The following FAT4 variants were observed in gnomAD, a reference collection of about 807,000 sequenced individuals.
FAT4 encodes protocadherin Fat 4.
FAT4 carries 84 observed loss-of-function variants against 303.9 expected under a neutral mutation model. The ratio of observed to expected loss-of-function variants is 0.28; its 90% CI spans 0.23 to 0.33. FAT4 has a LOEUF of 0.33. FAT4 is among the 10% of genes least tolerant of loss of function. The probability of loss-of-function intolerance (pLI) is 1.00; values close to 1 mark genes in which losing one functional copy is unlikely to be tolerated. For missense variants in FAT4, 6,005 were observed against 6,146.8 expected (o/e 0.98, Z 0.77); for synonymous variants, 2,307 against 2,298.8 (o/e 1.00, Z -0.10).
At chr4:125,388,376 A>G (rs1733844717) in intron 2 of FAT4, among the ~76,000 whole-genome samples, 1 of 152,142 alleles carries the variant, frequency 6.6e-6, no homozygotes. Flanking sequence ...TCTTTATTTC[A>G]TAGTATCCAG....
chr4:125,473,950 A>G (rs1032603260), intron 12 of FAT4, among the ~76,000 whole-genome samples: 13 of 152,222 alleles, frequency 8.5e-5, no homozygotes, highest in Non-Finnish European at 1.5e-4. Flanking sequence ...GTCATTTTCT[A>G]CATTTCAAAA....
At chr4:125,407,321 A>T (rs1205638509) in intron 4 of FAT4, among the ~76,000 whole-genome samples, 180 bp downstream of exon 4, 1 of 152,174 alleles carries the variant, frequency 6.6e-6, no homozygotes, top group Non-Finnish European at 1.5e-5. Flanking sequence ...ATTCTCAAGC[A>T]AATGGCTAAA....
chr4:125,331,455 T>C (rs547402311), intron 2 of FAT4, among the ~76,000 whole-genome samples: 2 of 152,324 alleles, frequency 1.3e-5, no homozygotes, highest in South Asian at 4.1e-4. Flanking sequence ...TGGTTTTCCT[T>C]CATAAAAAGA....
intron 2 of FAT4, among the ~76,000 whole-genome samples, chr4:125,368,910 G>A (rs1732995044): frequency 6.6e-6 from 1 of 152,070 alleles, no homozygotes; most frequent in South Asian, 2.1e-4. Flanking sequence ...GTGCTTTGTT[G>A]CTGTACACCC....
chr4:125,378,752 A>G (rs1578576372), intron 2 of FAT4, among the ~76,000 whole-genome samples: 1 of 152,190 alleles, frequency 6.6e-6, no homozygotes, highest in South Asian at 2.1e-4. Context: ...GATGAATTCC[A>G]TACTCAATAT....
intron 8 of FAT4, among the ~76,000 whole-genome samples, chr4:125,444,953 A>G (rs1247219751): frequency 6.6e-6 from 1 of 152,130 alleles, no homozygotes; most frequent in African/African-American, 2.4e-5. Context: ...GAATTCATGT[A>G]TAAAACTTGA....
chr4:125,342,592 C>T (rs913181015), intron 2 of FAT4, among the ~76,000 whole-genome samples: 7 of 151,894 alleles, frequency 4.6e-5, no homozygotes, highest in African/African-American at 1.7e-4. Flanking sequence ...CTTATACACT[C>T]ATATTTCCTG....
chr4:125,335,958 A>C (rs1012001152), intron 2 of FAT4, among the ~76,000 whole-genome samples: 3 of 152,066 alleles, frequency 2.0e-5, no homozygotes, highest in African/African-American at 7.2e-5. Context: ...ACTTTTGTTG[A>C]TGCTACATTC....
chr4:125,366,869 C>T (rs1369255975), intron 2 of FAT4, among the ~76,000 whole-genome samples: 1 of 151,864 alleles, frequency 6.6e-6, no homozygotes, highest in Non-Finnish European at 1.5e-5. Flanking sequence ...AGCTTTTTGT[C>T]ATATGCTTGT....
chr4:125,492,702 A>T lies in FAT4; in HGVS notation c.*934A>T, dbSNP rs1266387768. 3.3e-5 allele frequency: 5 copies of T among 152,388 alleles called. No homozygotes were observed. The highest frequency in any genetic ancestry group is 2.1e-4 in the South Asian group (1 of 4,818). The allele number at this position is 152,388 out of a possible 1,614,324, so 9.4% of individuals were successfully genotyped here. A position where few individuals can be genotyped will look rare whatever the true frequency, so the allele number is the denominator to read the frequency against. ...CACTTACTTTGTCATTTTGTAGATC[A>T]TTTTTTTAAAATACTGTGTAAAAAC... On this transcript the variant is annotated 3_prime_UTR_variant, in exon 18 of 18. Coordinates refer to ENST00000394329, the MANE Select transcript of FAT4 (RefSeq NM_001291303.3).
At chr4:125,425,532 T>C (rs1358781230) in intron 7 of FAT4, among the ~76,000 whole-genome samples, 2 of 152,158 alleles carry the variant, frequency 1.3e-5, no homozygotes, top group African/African-American at 4.8e-5. Context: ...AAAGTCATAA[T>C]ATTCATGAAT....
chr4:125,447,295 G>T (rs1157358403), intron 9 of FAT4, among the ~76,000 whole-genome samples: 1 of 152,004 alleles, frequency 6.6e-6, no homozygotes, highest in East Asian at 1.9e-4. Context: ...TCCTTGCTCG[G>T]AAATATTTTT....
At chr4:125,429,040 C>G (rs1935774275) in intron 7 of FAT4, among the ~76,000 whole-genome samples, 1 of 152,122 alleles carries the variant, frequency 6.6e-6, no homozygotes, top group Non-Finnish European at 1.5e-5. Flanking sequence ...TCTATTTGAG[C>G]TAAACATTGG....
rs973326871 is a variant in FAT4, at chr4:125,315,091, T to C, written c.-899T>C. On this transcript the variant is annotated 5_prime_UTR_variant, in exon 1 of 18. Transcript: ENST00000394329. ...GTGTGCGTGTGTATGTGTGTGTGTG[T>C]GCATGCCTGTGCGGCGGGGAAGGGG... Among the ~76,000 whole-genome samples the C allele has an allele frequency of 1.3e-5, 2 of 151,946 alleles. No individual in the cohort carries two copies. The highest frequency in any genetic ancestry group is 4.8e-5 in the African/African-American group (2 of 41,362).
intron 5 of FAT4, among the ~76,000 whole-genome samples, chr4:125,409,596 C>A (rs1375745982): frequency 6.6e-6 from 1 of 152,148 alleles, no homozygotes; most frequent in Non-Finnish European, 1.5e-5. Context: ...TCAGCTCGAA[C>A]AGTCTCAGAT....
At chr4:125,389,915 T>A (rs1320762985) in intron 2 of FAT4, among the ~76,000 whole-genome samples, 2 of 152,202 alleles carry the variant, frequency 1.3e-5, no homozygotes, top group Non-Finnish European at 2.9e-5. Flanking sequence ...TAGGGCTTTC[T>A]CATAACTGAA....
In FAT4 at chr4:125,358,058, A is replaced by G. The variant is rs1732506629; in HGVS notation, c.5175+36472A>G. Among the ~76,000 whole-genome samples, 3 of 152,040 alleles carry G rather than the reference A, an allele frequency of 2.0e-5. No homozygotes were observed. In the South Asian group the frequency reaches 6.2e-4, roughly 32 times the overall value. The stretch of plus-strand genomic sequence containing the variant: ...TAAGTAAGCCAGCTTGGGCGGGGGA[A>G]CTCCAGTGTGATTATAAGTGAGTAT... On this transcript the variant is annotated intron_variant, in intron 2 of 17. Transcript: ENST00000394329.
At chr4:125,441,594 G>T (rs1040340330) in intron 8 of FAT4, among the ~76,000 whole-genome samples, 3 of 152,120 alleles carry the variant, frequency 2.0e-5, no homozygotes, top group African/African-American at 7.2e-5. Context: ...GAAATAATTT[G>T]TACAAAGCAA....
At chr4:125,482,785 C>A (rs911768663) in intron 16 of FAT4, among the ~76,000 whole-genome samples, 3 of 152,012 alleles carry the variant, frequency 2.0e-5, no homozygotes, top group Non-Finnish European at 2.9e-5. Flanking sequence ...AAACTTCAGC[C>A]TCTTTCATCC....
Sources: gnomAD v4.1 joint callset for allele counts (sites outside exome capture counted in the v4.1 genomes callset) on GRCh38, gnomAD v4.1.1 for gene constraint, MANE v1.5 for transcripts, NCBI Gene and HGNC (gene_info 2026-07-23, HGNC 2026-07-21) for gene names.